TLL1: variants seen among roughly 807,000 people sequenced by gnomAD.
TLL1 encodes tolloid like 1.
In TLL1, 49 loss-of-function variants were observed where a neutral mutation model predicts 128.2. That is an observed-to-expected ratio of 0.38 (90% CI 0.30 to 0.48). TLL1 has a LOEUF of 0.48. Among genes scored for constraint, TLL1 ranks in the 20% least tolerant of loss-of-function variants. TLL1 has a pLI of 0.96. For synonymous variants in TLL1, 454 were observed against 418.8 expected (o/e 1.08, Z -1.03); for missense variants, 1,123 against 1,242.0 (o/e 0.90, Z 1.44).
chr4:166,095,101 T>C (rs1741959397), intron 19 of TLL1, among the ~76,000 whole-genome samples: 1 of 152,160 alleles, frequency 6.6e-6, no homozygotes. Flanking sequence ...CTATTTTTGA[T>C]GGATCCTTAA....
At chr4:165,979,802 CAAAT>C (rs553664275) in intron 1 of TLL1, among the ~76,000 whole-genome samples, 64 of 152,104 alleles carry the variant, frequency 4.2e-4, no homozygotes, top group Middle Eastern at 3.4e-3. Flanking sequence ...CATAAATGAA[CAAAT>C]AAATAAACAA....
chr4:165,999,638 G>C (rs577682862), intron 5 of TLL1, among the ~76,000 whole-genome samples: 1 of 118,262 alleles, frequency 8.5e-6, no homozygotes, highest in South Asian at 2.8e-4. Context: ...GCTAATTTTT[G>C]TATTTTTTTT....
intron 1 of TLL1, among the ~76,000 whole-genome samples, chr4:165,919,269 A>G (rs984362054): frequency 1.8e-4 from 27 of 151,408 alleles, no homozygotes; most frequent in Non-Finnish European, 3.7e-4. Context: ...TGTAGTCCCA[A>G]CTACTTGGGA....
intron 1 of TLL1, among the ~76,000 whole-genome samples, chr4:165,898,286 G>A (rs374031568): frequency 7.4e-4 from 113 of 152,218 alleles, no homozygotes; most frequent in Admixed American, 3.5e-3. Context: ...AGTGGTGAGA[G>A]AGGGCATCCT....
At chr4:165,994,984 C>A in intron 4 of TLL1, 77 bp from the exon 5 acceptor site, 2 of 1,202,624 alleles carry the variant, frequency 1.7e-6, no homozygotes, top group African/African-American at 1.5e-5. Context: ...CTCAGCCAGA[C>A]TTAGGGTAGA....
chr4:166,078,392 C>A (rs1331804064), intron 18 of TLL1, among the ~76,000 whole-genome samples: 2 of 152,158 alleles, frequency 1.3e-5, no homozygotes, highest in African/African-American at 4.8e-5. Context: ...AATAATATTT[C>A]ACTTAAACCC....
chr4:165,928,014 T>G (rs868790948), intron 1 of TLL1, among the ~76,000 whole-genome samples: 1 of 152,182 alleles, frequency 6.6e-6, no homozygotes, highest in Non-Finnish European at 1.5e-5. Context: ...TTACGCTAAA[T>G]GTAAGCTTTT....
At chr4:165,874,910 G>C (rs967199535) in intron 1 of TLL1, 1 of 152,254 alleles carries the variant, frequency 6.6e-6, no homozygotes, top group Non-Finnish European at 1.5e-5. Flanking sequence ...GGAGGCGCAC[G>C]TGCCCGGGGC....
chr4:165,913,872 G>C (rs912933326), intron 1 of TLL1, among the ~76,000 whole-genome samples: 3 of 152,054 alleles, frequency 2.0e-5, no homozygotes, highest in African/African-American at 7.2e-5. Flanking sequence ...AAAATGACCA[G>C]AGTGTGGGTG....
chr4:165,920,223 G>C (rs1300128975), intron 1 of TLL1, among the ~76,000 whole-genome samples: 1 of 152,160 alleles, frequency 6.6e-6, no homozygotes, highest in Non-Finnish European at 1.5e-5. Flanking sequence ...CATCAATTAA[G>C]AGAAAACTTA....
intron 1 of TLL1, among the ~76,000 whole-genome samples, chr4:165,961,856 A>C (rs946680514): frequency 5.9e-5 from 9 of 152,010 alleles, no homozygotes; most frequent in African/African-American, 1.9e-4. Context: ...AACACAATTT[A>C]AAAATATATA....
Position 166,003,387 on chromosome 4 carries a change from C to G in TLL1, c.633-4C>G, listed in dbSNP as rs1049480820. 6.2e-7 allele frequency: 1 copy of G among 1,613,784 alleles called. No individual in the cohort carries two copies. Among genetic ancestry groups the G allele is most frequent in the African/African-American group, 1.3e-5 (1 of 74,898 alleles). ...CACCATCTCCACTTTCTCTTTTATT[C>G]CAGATGCTGCTCCTATGTAGGTCGG... On this transcript the variant is annotated splice_region_variant and splice_polypyrimidine_tract_variant and intron_variant, in intron 5 of 20. Transcript: ENST00000061240.
chr4:165,913,485 G>A (rs574481725), intron 1 of TLL1, among the ~76,000 whole-genome samples: 28 of 152,276 alleles, frequency 1.8e-4, no homozygotes, highest in African/African-American at 6.3e-4. Flanking sequence ...GAAATTCAGG[G>A]CAAAGCTGAT....
intron 1 of TLL1, among the ~76,000 whole-genome samples, chr4:165,889,200 A>G (rs772731617): frequency 6.6e-6 from 1 of 152,198 alleles, no homozygotes; most frequent in Non-Finnish European, 1.5e-5. Context: ...TTGTTACAGA[A>G]CTTAGATGTT....
chr4:166,065,887 G>A (rs750402931), intron 16 of TLL1, 24 bp downstream of exon 16: 1 of 1,441,672 alleles, frequency 6.9e-7, no homozygotes, highest in East Asian at 2.7e-5. Flanking sequence ...CATGTTGTAT[G>A]TGTATATTAC....
chr4:166,102,092 A>C lies in TLL1; in HGVS notation c.*1216A>C, dbSNP rs1206401260. ...AGACTAAAGACTTGTCAAATATATCAAGAGTATATCATTGCAAGGGCAGCA... is the reference window on the plus strand; with the variant it reads ...AGACTAAAGACTTGTCAAATATATCCAGAGTATATCATTGCAAGGGCAGCA... On this transcript the variant is annotated 3_prime_UTR_variant, in exon 21 of 21. Transcript: ENST00000061240. The C allele has an allele frequency of 2.6e-5, 4 of 152,476 alleles. No homozygotes were observed. The highest frequency in any genetic ancestry group is 9.7e-5 in the African/African-American group (4 of 41,448). The allele number at this position is 152,476 out of a possible 1,614,324, so 9.4% of individuals were successfully genotyped here.
chr4:165,916,434 T>C (rs1008036692), intron 1 of TLL1, among the ~76,000 whole-genome samples: 4 of 152,208 alleles, frequency 2.6e-5, no homozygotes, highest in Non-Finnish European at 5.9e-5. Flanking sequence ...AACTCAATTA[T>C]GGCATGCTGA....
chr4:165,974,133 C>T (rs1249298449), intron 1 of TLL1, among the ~76,000 whole-genome samples: 212 of 60,716 alleles, frequency 3.5e-3, no homozygotes, highest in African/African-American at 4.3e-3. Flanking sequence ...TGGACCTCAT[C>T]TTTTTTTTTT....
At chr4:165,954,087 CTTTA>C (rs1443387050) in intron 1 of TLL1, among the ~76,000 whole-genome samples, 7 of 151,988 alleles carry the variant, frequency 4.6e-5, no homozygotes, top group Admixed American at 2.0e-4. Context: ...TTTTTGAGAT[CTTTA>C]TTTAACTCCT....
Sources: allele counts gnomAD v4.1 joint callset (sites outside exome capture counted in the v4.1 genomes callset), GRCh38; gene constraint gnomAD v4.1.1; transcripts MANE v1.5; gene names NCBI Gene and HGNC (gene_info 2026-07-23, HGNC 2026-07-21).